CACNA2D2: variants seen among roughly 807,000 people sequenced by gnomAD.
CACNA2D2 encodes the protein voltage-dependent calcium channel subunit alpha-2/delta-2.
CACNA2D2 carries 48 observed loss-of-function variants against 166.4 expected under a neutral mutation model. The observed-to-expected ratio is 0.29, with a 90% CI of 0.23 to 0.37. The LOEUF is 0.37. Among genes scored for constraint, CACNA2D2 ranks in the 10% least tolerant of loss-of-function variants. The pLI is 1.00. For synonymous variants in CACNA2D2, 561 were observed against 573.7 expected (o/e 0.98, Z 0.32); for missense variants, 1,122 against 1,433.0 (o/e 0.78, Z 3.50).
In CACNA2D2 at chr3:50,370,352, A is replaced by C; in HGVS notation, c.2013T>G (p.Phe671Leu). 6.3e-7 allele frequency: 1 copy of C among 1,589,352 alleles called. No homozygotes were observed. The highest frequency in any genetic ancestry group is 8.6e-7 in the Non-Finnish European group (1 of 1,168,488). ...KYFEFLLPSS[F>L]ESEGHVFIAP... Reference sequence around the variant, plus strand: ...CAATGAAAACGTGTCCTTCAGACTCAAAGCTGCTGGGGAGCAGGAACTCAA... The same window carrying C: ...CAATGAAAACGTGTCCTTCAGACTCCAAGCTGCTGGGGAGCAGGAACTCAA... The change falls in exon 23 of 38, where the codon TTT (phenylalanine) becomes TTG (leucine). Residue 671 changes from phenylalanine (F) to leucine (L), a missense_variant. Physicochemically the swap from Phe to Leu is conservative, Grantham distance 22 (BLOSUM62 0). Transcript: ENST00000424201.
At chr3:50,425,310 G>A (rs1247056949) in intron 3 of CACNA2D2, among the ~76,000 whole-genome samples, 1 of 152,192 alleles carries the variant, frequency 6.6e-6, no homozygotes, top group Non-Finnish European at 1.5e-5. Context: ...TGCCCAGGCT[G>A]GGAACTCTAC....
chr3:50,423,667 T>C (rs1417229807), intron 3 of CACNA2D2, among the ~76,000 whole-genome samples: 1 of 152,226 alleles, frequency 6.6e-6, no homozygotes, highest in Non-Finnish European at 1.5e-5. Context: ...CCAGCTGGTG[T>C]TGACACAGCA....
At chr3:50,368,023 C>CAGCCCT in intron 24 of CACNA2D2, 115 bp downstream of exon 24, 1 of 1,161,040 alleles carries the variant, frequency 8.6e-7, no homozygotes, top group South Asian at 1.2e-5. Flanking sequence ...GGCCCAGGCC[C>CAGCCCT]AGCCCTTAGC....
chr3:50,478,169 C>A (rs13099869), intron 1 of CACNA2D2, among the ~76,000 whole-genome samples: 21,548 of 152,230 alleles, frequency 0.14, 2,823 homozygotes, highest in East Asian at 0.61. Context: ...ACCCTGAGTG[C>A]GGGTGGAGGC....
chr3:50,443,157 C>T (rs1708681327), intron 2 of CACNA2D2, among the ~76,000 whole-genome samples: 1 of 152,214 alleles, frequency 6.6e-6, no homozygotes, highest in Non-Finnish European at 1.5e-5. Flanking sequence ...TAAACATACC[C>T]GCACTTTCCC....
chr3:50,385,706 T>C (rs1410606121), intron 5 of CACNA2D2, among the ~76,000 whole-genome samples: 2 of 152,164 alleles, frequency 1.3e-5, no homozygotes, highest in Non-Finnish European at 2.9e-5. Context: ...TGGCACACCC[T>C]AGAAGCCCTC....
At chr3:50,431,645 G>C (rs1046532208) in intron 3 of CACNA2D2, among the ~76,000 whole-genome samples, 4 of 152,174 alleles carry the variant, frequency 2.6e-5, no homozygotes, top group African/African-American at 9.7e-5. Flanking sequence ...CACACGGTGA[G>C]TATCTGTCTG....
chr3:50,498,107 G>A (rs1041207409), intron 1 of CACNA2D2, among the ~76,000 whole-genome samples: 2 of 152,130 alleles, frequency 1.3e-5, no homozygotes, highest in African/African-American at 4.8e-5. Context: ...CACGGGAGTG[G>A]GGTAGGTGGC....
At chr3:50,423,988 G>T (rs1707691196) in intron 3 of CACNA2D2, among the ~76,000 whole-genome samples, 1 of 152,230 alleles carries the variant, frequency 6.6e-6, no homozygotes, top group African/African-American at 2.4e-5. Flanking sequence ...AATACCCCCA[G>T]AAGCATCCCT....
chr3:50,405,405 G>A lies in CACNA2D2; in HGVS notation c.406-11237C>T, dbSNP rs572882676. On this transcript the variant is annotated intron_variant, in intron 3 of 37. Coordinates refer to ENST00000424201, the MANE Select transcript of CACNA2D2 (RefSeq NM_006030.4). ...CGAGCCCAGCCCACCTAGGCAGCAG[G>A]AACACCAGAGCAAGCAGCTTGGGCG... is the stretch of plus-strand genomic sequence containing the variant. Among the ~76,000 whole-genome samples the A allele has an allele frequency of 2.6e-5, 4 of 152,312 alleles. No individual in the cohort carries two copies. In the East Asian group the frequency reaches 7.7e-4, roughly 29 times the overall value.
chr3:50,398,384 G>A (rs537554680), intron 3 of CACNA2D2, among the ~76,000 whole-genome samples: 14 of 152,286 alleles, frequency 9.2e-5, no homozygotes, highest in African/African-American at 3.1e-4. Context: ...GACACTCAGC[G>A]AACCCTCTTC....
At chr3:50,415,756 A>G (rs1389422076) in intron 3 of CACNA2D2, 3 of 152,374 alleles carry the variant, frequency 2.0e-5, no homozygotes, top group Admixed American at 2.0e-4. Flanking sequence ...CTTGGTAACT[A>G]TTTGGTGAAT....
At chr3:50,443,723 G>C (rs1559954269) in intron 2 of CACNA2D2, among the ~76,000 whole-genome samples, 4 of 152,212 alleles carry the variant, frequency 2.6e-5, no homozygotes, top group Admixed American at 2.0e-4. Context: ...CTTGCCATCT[G>C]GCCTCTTCAA....
rs528991580 is a variant in CACNA2D2 at position 50,437,514 on chromosome 3, AG to A, written c.289-3086del. ...TGAGGTGCAACAGTCCTCGAATGAT[AG>A]CCCCTAGTGCCACAGCCCTCCCCCT... On this transcript the variant is annotated intron_variant, in intron 2 of 37. Transcript: ENST00000424201. 3.4e-3 allele frequency among the ~76,000 whole-genome samples: 521 copies of A among 152,296 alleles called. 5 individuals are homozygous for A. The highest frequency in any genetic ancestry group is 5.2e-3 in the Non-Finnish European group (357 of 68,016).
chr3:50,388,821 G>A (rs1705737357), intron 4 of CACNA2D2, among the ~76,000 whole-genome samples: 1 of 152,216 alleles, frequency 6.6e-6, no homozygotes, highest in East Asian at 1.9e-4. Context: ...CTCTCACCAG[G>A]GGTCTAGGGG....
chr3:50,407,887 T>G (rs1277676731), intron 3 of CACNA2D2, among the ~76,000 whole-genome samples: 2 of 152,146 alleles, frequency 1.3e-5, no homozygotes, highest in Non-Finnish European at 2.9e-5. Flanking sequence ...GGCAAAGATG[T>G]GGGGGTAGGA....
Position 50,414,951 on chromosome 3 carries a change from T to C in CACNA2D2, c.405+19362A>G, listed in dbSNP as rs542217114. Among the ~76,000 whole-genome samples the C allele has an allele frequency of 1.8e-4, 28 of 152,232 alleles. No homozygotes were observed. In the South Asian group the frequency reaches 5.0e-3, roughly 27 times the overall value. ...TCATTTTATTTAGAAATGAAGAGAA[T>C]TTGTAAGTGACGCATGGCTTCAGAG... On this transcript the variant is annotated intron_variant, in intron 3 of 37. Transcript: ENST00000424201.
intron 2 of CACNA2D2, among the ~76,000 whole-genome samples, chr3:50,437,539 C>T (rs141540640): frequency 6.6e-6 from 1 of 152,204 alleles, no homozygotes; most frequent in African/African-American, 2.4e-5. Context: ...AGCCCTCCCC[C>T]TCAACATTCC....
Position 50,466,473 on chromosome 3 carries a change from CAT to C in CACNA2D2, c.288+9643_288+9644del, listed in dbSNP as rs113105881. Reference sequence around the variant, plus strand: ...AGAACTGCACATTTGTGCACACACACATGCACATGCTCACCTTCTATGACCAC... The same window carrying C: ...AGAACTGCACATTTGTGCACACACACGCACATGCTCACCTTCTATGACCAC... On this transcript the variant is annotated intron_variant, in intron 2 of 37. Coordinates refer to ENST00000424201, the MANE Select transcript of CACNA2D2 (RefSeq NM_006030.4). Among the ~76,000 whole-genome samples the C allele has an allele frequency of 1.8e-3, 267 of 152,334 alleles. 2 individuals are homozygous for C. Among genetic ancestry groups the C allele is most frequent in the African/African-American group, 6.0e-3 (249 of 41,568 alleles).
Sources: gnomAD v4.1 joint callset for allele counts (sites outside exome capture counted in the v4.1 genomes callset) on GRCh38, gnomAD v4.1.1 for gene constraint, MANE v1.5 for transcripts, NCBI Gene and HGNC (gene_info 2026-07-23, HGNC 2026-07-21) for gene names.